The following SLC18A2 variants were observed in gnomAD, a reference collection of about 807,000 sequenced individuals.
SLC18A2 encodes the protein solute carrier family 18 member A2, also known as synaptic vesicular amine transporter.
A neutral mutation model predicts 59.2 loss-of-function variants in SLC18A2; 33 were observed. The observed-to-expected ratio is 0.56, with a 90% CI of 0.42 to 0.75. SLC18A2 has a LOEUF of 0.75. SLC18A2 is among the 30% of genes least tolerant of loss of function. The pLI, the probability that SLC18A2 is intolerant of heterozygous loss-of-function variation, is 0.00. For missense variants in SLC18A2, 569 were observed against 668.6 expected, an observed-to-expected ratio of 0.85 and a Z score of 1.64; for synonymous variants, 228 against 253.5, an observed-to-expected ratio of 0.90 and a Z score of 0.95.
At chr10:117,250,548 C>A (rs887473019) in intron 3 of SLC18A2, among the ~76,000 whole-genome samples, 2 of 152,156 alleles carry the variant, frequency 1.3e-5, no homozygotes, top group African/African-American at 4.8e-5. Context: ...TAAAAAGAAC[C>A]CTCTGTAGGC....
chr10:117,262,063 G>A (rs1159826464), intron 10 of SLC18A2, among the ~76,000 whole-genome samples: 1 of 152,078 alleles, frequency 6.6e-6, no homozygotes, highest in Non-Finnish European at 1.5e-5. Context: ...GCCTACCACT[G>A]TACCCGGCTA....
At chr10:117,263,398 G>C (rs1329392546) in intron 10 of SLC18A2, among the ~76,000 whole-genome samples, 2 of 152,230 alleles carry the variant, frequency 1.3e-5, no homozygotes, top group Non-Finnish European at 2.9e-5. Context: ...TCCCTTCACT[G>C]TTTCTGGAGA....
chr10:117,247,505 C>T (rs556819273), intron 3 of SLC18A2, among the ~76,000 whole-genome samples: 1 of 152,342 alleles, frequency 6.6e-6, no homozygotes, highest in South Asian at 2.1e-4. Flanking sequence ...TACAATTATA[C>T]AGCTTGTACC....
At chr10:117,274,740 C>T (rs942439978) in intron 15 of SLC18A2, among the ~76,000 whole-genome samples, 9 of 152,140 alleles carry the variant, frequency 5.9e-5, no homozygotes, top group South Asian at 2.1e-4. Context: ...CCTCAACTCC[C>T]GCCTCTATAG....
intron 3 of SLC18A2, among the ~76,000 whole-genome samples, chr10:117,249,377 A>C (rs373620810): frequency 2.6e-5 from 4 of 152,258 alleles, no homozygotes; most frequent in African/African-American, 9.6e-5. Context: ...TGAAAAAGAC[A>C]AGCAGAACCT....
intron 3 of SLC18A2, among the ~76,000 whole-genome samples, chr10:117,246,119 C>A (rs934402689): frequency 2.0e-5 from 3 of 152,130 alleles, no homozygotes; most frequent in African/African-American, 7.2e-5. Context: ...TCTTAAAATG[C>A]ATCTGGTATA....
chr10:117,255,329 G>C lies in SLC18A2; in HGVS notation c.753G>C (p.Pro251=). The C allele has an allele frequency of 1.2e-6, 2 of 1,614,246 alleles. No homozygotes were observed. Among genetic ancestry groups the C allele is most frequent in the Non-Finnish European group, 1.7e-6 (2 of 1,180,050 alleles). ...ATGAGTTTGTGGGGAAGACGGCTCC[G>C]TTCCTGGTGCTGGCCGCCCTGGTAC... ...VLYEFVGKTA[P]FLVLAALVLL... is the part of the protein sequence containing the mutation. Residue 251 remains proline (P), a synonymous_variant, in exon 7 of 16, where the codon CCG becomes CCC. Transcript: ENST00000644641.
At position 117,253,467 on chromosome 10, in the gene SLC18A2, T is replaced by G. The variant is rs1844186663; in HGVS notation, c.523+10T>G. 1 of 1,608,608 alleles carries G rather than the reference T, an allele frequency of 6.2e-7. No homozygotes were observed. The highest frequency in any genetic ancestry group is 1.3e-5 in the African/African-American group (1 of 74,488). On this transcript the variant is annotated intron_variant, in intron 4 of 15. Coordinates refer to ENST00000644641, the MANE Select transcript of SLC18A2 (RefSeq NM_003054.6). ...TTTGTCTCAACAATTAGTAAGTGTG[T>G]GGTGTTTTCCTTCTGAGTGTGGGTC...
In SLC18A2 at chr10:117,241,791, A is replaced by G; in HGVS notation, c.98A>G (p.Asp33Gly). The G allele has an allele frequency of 6.2e-7, 1 of 1,609,960 alleles. No individual in the cohort carries two copies. The highest frequency in any genetic ancestry group is 8.5e-7 in the Non-Finnish European group (1 of 1,178,696). The change falls in exon 2 of 16, where the codon GAC (aspartate) becomes GGC (glycine). Residue 33 changes from aspartate to glycine, a missense_variant. Physicochemically the swap from Asp to Gly is moderately conservative, Grantham distance 94. Coordinates refer to ENST00000644641, the MANE Select transcript of SLC18A2 (RefSeq NM_003054.6). Reference protein sequence around the residue: ...LFIVFLALLLDNMLLTVVVPI... With the variant: ...LFIVFLALLLGNMLLTVVVPI... ...ATCGTGTTCCTGGCGCTGCTGCTGG[A>G]CAACATGCTGCTCACTGTCGTGGGT...
chr10:117,277,370 G>C lies in SLC18A2; in HGVS notation c.*104G>C. The C allele has an allele frequency of 3.2e-6, 2 of 622,304 alleles. No homozygotes were observed. Among genetic ancestry groups the C allele is most frequent in the Non-Finnish European group, 2.7e-6 (1 of 374,740 alleles). 38.5% of individuals were successfully genotyped at this position (622,304 alleles called of 1,614,324 possible). ...CTTAGTCATACCATCCATCCCTGGT[G>C]AAAGAGTAAAACCAAAGGTTATTAT... On this transcript the variant is annotated 3_prime_UTR_variant, in exon 16 of 16. Coordinates refer to ENST00000644641, the MANE Select transcript of SLC18A2 (RefSeq NM_003054.6).
Position 117,254,317 on chromosome 10 carries a change from A to G in SLC18A2, c.608-88A>G, listed in dbSNP as rs143082343. The G allele has an allele frequency of 1.1e-3, 1,355 of 1,283,672 alleles. 9 individuals carry two copies. The African/African-American group carries it at 0.018, about 17-fold the overall frequency. The allele number at this position is 1,283,672 out of a possible 1,614,324, so 79.5% of individuals were successfully genotyped here. On this transcript the variant is annotated intron_variant, in intron 5 of 15. Transcript: ENST00000644641. ...ATCTGACAGGTTTGGGAAGATCACA[A>G]GGCTGGCTGGAGAGGGAAGGCGAGT...
chr10:117,267,618 T>G, intron 12 of SLC18A2, 55 bp from the exon 13 acceptor site: 1 of 1,329,510 alleles, frequency 7.5e-7, no homozygotes, highest in Non-Finnish European at 1.1e-6. Flanking sequence ...CTTTCCGAGA[T>G]GATTTAGAGT....
At chr10:117,272,732 C>G (rs1305624320) in intron 15 of SLC18A2, among the ~76,000 whole-genome samples, 2 of 152,134 alleles carry the variant, frequency 1.3e-5, no homozygotes, top group Non-Finnish European at 2.9e-5. Context: ...ATCTCGCTGC[C>G]CATCAATGAT....
At chr10:117,266,028 T>G (rs1029101912) in intron 10 of SLC18A2, among the ~76,000 whole-genome samples, 6 of 144,268 alleles carry the variant, frequency 4.2e-5, no homozygotes, top group Non-Finnish European at 8.9e-5. Context: ...AGGCAGAGGT[T>G]GCAGTGAGCC....
chr10:117,251,327 AT>A lies in SLC18A2; in HGVS notation c.465-2070del, dbSNP rs557355785. ...CTCTGAGCCTCCTGGACGTTTCCTGATTCAGTATCCTGCAGTGCCGTGTGAG... is the reference window on the plus strand; with the variant it reads ...CTCTGAGCCTCCTGGACGTTTCCTGATCAGTATCCTGCAGTGCCGTGTGAG... On this transcript the variant is annotated intron_variant, in intron 3 of 15. Coordinates refer to ENST00000644641, the MANE Select transcript of SLC18A2 (RefSeq NM_003054.6). Among the ~76,000 whole-genome samples, 31 of 152,256 alleles carry A rather than the reference AT, an allele frequency of 2.0e-4. 1 individual carries two copies. In the East Asian group the frequency reaches 4.4e-3, roughly 22 times the overall value.
intron 3 of SLC18A2, among the ~76,000 whole-genome samples, chr10:117,245,613 G>A (rs1844102395): frequency 6.6e-6 from 1 of 150,462 alleles, no homozygotes; most frequent in South Asian, 2.1e-4. Flanking sequence ...AAATGAAAAT[G>A]TGTGCCCCAC....
intron 9 of SLC18A2, among the ~76,000 whole-genome samples, 173 bp from the exon 10 acceptor site, chr10:117,257,624 G>C (rs1006391772): frequency 4.6e-5 from 7 of 152,204 alleles, no homozygotes; most frequent in African/African-American, 1.7e-4. Context: ...CGACGACCAT[G>C]ATGATGATGA....
At position 117,269,140 on chromosome 10, in the gene SLC18A2, C is replaced by T. The variant is rs1400215279; in HGVS notation, c.1187-931C>T. ...AGATACACATACACATACAAACACC[C>T]ACCCACATACATATGCACACATACA... is the stretch of plus-strand genomic sequence containing the variant. On this transcript the variant is annotated intron_variant, in intron 13 of 15. Coordinates refer to ENST00000644641, the MANE Select transcript of SLC18A2 (RefSeq NM_003054.6). The surrounding 1 kb of genome is among the most constrained non-coding windows in gnomAD (Gnocchi z 5.1). 7.2e-6 allele frequency among the ~76,000 whole-genome samples: 1 copy of T among 139,394 alleles called. No homozygotes were observed. The highest frequency in any genetic ancestry group is 2.7e-5 in the African/African-American group (1 of 37,572). The allele number at this position is 139,394 out of a possible 152,430, so 91.4% of individuals were successfully genotyped here. A position where few individuals can be genotyped will look rare whatever the true frequency, so the allele number is the denominator to read the frequency against.
intron 6 of SLC18A2, 25 bp from the exon 7 acceptor site, chr10:117,255,252 G>C (rs776831941): frequency 1.2e-6 from 2 of 1,601,056 alleles, no homozygotes; most frequent in Admixed American, 1.7e-5. Context: ...CCCAGGGGTG[G>C]TGTCCCCACT....
Sources: gnomAD v4.1 joint callset for allele counts (sites outside exome capture counted in the v4.1 genomes callset) on GRCh38, gnomAD v4.1.1 for gene constraint, Gnocchi (gnomAD v3.1) non-coding constraint, MANE v1.5 for transcripts, NCBI Gene and HGNC (gene_info 2026-07-23, HGNC 2026-07-21) for gene names.